SLC35F4: variants seen among roughly 807,000 people sequenced by gnomAD.
SLC35F4 encodes solute carrier family 35 member F4, also known as chromosome 14 open reading frame 36.
Under a neutral mutation model 44.2 loss-of-function variants are expected in SLC35F4, and 24 were observed. That is an observed-to-expected ratio of 0.54 (90% CI 0.39 to 0.76). The LOEUF (loss-of-function observed/expected upper bound fraction) is 0.76, where lower values mean the gene tolerates loss of function less well. SLC35F4 is among the 30% of genes least tolerant of loss of function. SLC35F4 has a pLI of 0.00. For missense variants in SLC35F4, 562 were observed against 586.1 expected (o/e 0.96, Z 0.42); for synonymous variants, 238 against 223.6 (o/e 1.06, Z -0.57).
At chr14:57,833,382 C>T (rs1229510436) in intron 1 of SLC35F4, among the ~76,000 whole-genome samples, 1 of 152,192 alleles carries the variant, frequency 6.6e-6, no homozygotes, top group Non-Finnish European at 1.5e-5. Context: ...CTTTGCACCC[C>T]CAGAGGATCT....
chr14:57,732,784 A>G (rs2076375379), intron 1 of SLC35F4, among the ~76,000 whole-genome samples: 1 of 152,198 alleles, frequency 6.6e-6, no homozygotes, highest in African/African-American at 2.4e-5. Flanking sequence ...GTCATCCAGA[A>G]TATCATACAT....
chr14:57,923,476 T>C (rs1889482876), intron 1 of SLC35F4, among the ~76,000 whole-genome samples: 1 of 152,218 alleles, frequency 6.6e-6, no homozygotes, highest in African/African-American at 2.4e-5. Context: ...GGAATATCCC[T>C]AGCTCCTGGA....
intron 1 of SLC35F4, among the ~76,000 whole-genome samples, chr14:57,897,941 G>A (rs1017701081): frequency 1.3e-5 from 2 of 152,128 alleles, no homozygotes; most frequent in African/African-American, 4.8e-5. Context: ...TATTGACTCT[G>A]GATGCAAACA....
intron 3 of SLC35F4, among the ~76,000 whole-genome samples, chr14:57,585,013 TATAAA>T (rs1248959781): frequency 3.3e-5 from 5 of 152,186 alleles, no homozygotes; most frequent in African/African-American, 1.2e-4. Flanking sequence ...GGGAATCAAA[TATAAA>T]ATATCTTTAG....
At chr14:57,926,980 AAAG>A (rs60690609) in intron 1 of SLC35F4, among the ~76,000 whole-genome samples, 14,509 of 152,198 alleles carry the variant, frequency 0.095, 767 homozygotes, top group Middle Eastern at 0.15. Context: ...TAGAAAATAA[AAAG>A]AAGCACAGCC....
At chr14:57,938,280 A>G (rs1440222280) in intron 1 of SLC35F4, among the ~76,000 whole-genome samples, 2 of 152,148 alleles carry the variant, frequency 1.3e-5, no homozygotes, top group Admixed American at 1.3e-4. Flanking sequence ...AGACAGAGGA[A>G]AAAACAAAGG....
intron 1 of SLC35F4, among the ~76,000 whole-genome samples, chr14:57,595,377 TG>T (rs943872658): frequency 1.3e-5 from 2 of 152,206 alleles, no homozygotes; most frequent in Admixed American, 6.5e-5. Context: ...TGATGTTAAC[TG>T]TGATCACCCA....
At chr14:57,685,115 A>C (rs1358192945) in intron 1 of SLC35F4, among the ~76,000 whole-genome samples, 1 of 152,222 alleles carries the variant, frequency 6.6e-6, no homozygotes, top group African/African-American at 2.4e-5. Flanking sequence ...ATGCCAGAAG[A>C]AGCAGATATT....
At chr14:57,904,000 GA>G (rs1159451726) in intron 1 of SLC35F4, among the ~76,000 whole-genome samples, 1 of 152,090 alleles carries the variant, frequency 6.6e-6, no homozygotes, top group Non-Finnish European at 1.5e-5. Context: ...GCAAAGAAAA[GA>G]AAAAAAGTGC....
chr14:57,865,660 C>T lies in SLC35F4; in HGVS notation c.103+63G>A, dbSNP rs1595253399. ...GCGCGCCCGCCCGTCCGCATCCCCG[C>T]GGCACCCCTGCGCGCCCACCTCCCT... On this transcript the variant is annotated intron_variant, in intron 1 of 7. Transcript: ENST00000556826. 5.8e-6 allele frequency: 8 copies of T among 1,387,940 alleles called. No individual in the cohort carries two copies. The East Asian group carries it at 8.2e-5, about 14-fold the overall frequency. 86.0% of individuals were successfully genotyped at this position (1,387,940 alleles called of 1,614,324 possible).
At chr14:57,929,694 GA>G (rs1889655183) in intron 1 of SLC35F4, among the ~76,000 whole-genome samples, 1 of 152,124 alleles carries the variant, frequency 6.6e-6, no homozygotes, top group Admixed American at 6.5e-5. Flanking sequence ...CTGAATTATT[GA>G]AGACAGGAAA....
intron 1 of SLC35F4, among the ~76,000 whole-genome samples, chr14:57,804,478 C>A (rs1237557431): frequency 6.6e-6 from 1 of 152,130 alleles, no homozygotes; most frequent in Non-Finnish European, 1.5e-5. Flanking sequence ...ACACCTACAA[C>A]CATCTGATCT....
chr14:57,670,853 G>T (rs1198545276), intron 1 of SLC35F4, among the ~76,000 whole-genome samples: 2 of 150,494 alleles, frequency 1.3e-5, no homozygotes, highest in African/African-American at 4.9e-5. Flanking sequence ...AGACTAGGAT[G>T]CCACAGAAGC....
At chr14:57,714,482 C>A (rs2075889847) in intron 1 of SLC35F4, among the ~76,000 whole-genome samples, 1 of 152,110 alleles carries the variant, frequency 6.6e-6, no homozygotes, top group South Asian at 2.1e-4. Context: ...GTTGACTTTT[C>A]CTACAAGTGA....
At chr14:57,629,287 C>T (rs745518633) in intron 1 of SLC35F4, among the ~76,000 whole-genome samples, 2 of 152,070 alleles carry the variant, frequency 1.3e-5, no homozygotes, top group African/African-American at 2.4e-5. Flanking sequence ...CAATGTTTGA[C>T]CTCCACTAAA....
intron 1 of SLC35F4, among the ~76,000 whole-genome samples, chr14:57,626,320 T>C (rs548131169): frequency 6.8e-6 from 1 of 147,330 alleles, no homozygotes; most frequent in Non-Finnish European, 1.5e-5. Flanking sequence ...TAAAGTATAT[T>C]TTAAAAAGGA....
chr14:57,825,832 G>A (rs1883683726), intron 1 of SLC35F4, among the ~76,000 whole-genome samples: 2 of 152,040 alleles, frequency 1.3e-5, no homozygotes, highest in African/African-American at 2.4e-5. Context: ...ACCTCTTCAA[G>A]GAGAACTACC....
chr14:57,631,543 A>G (rs1229409339), intron 1 of SLC35F4, among the ~76,000 whole-genome samples: 2 of 152,238 alleles, frequency 1.3e-5, no homozygotes, highest in Non-Finnish European at 2.9e-5. Flanking sequence ...GTGCATTTGT[A>G]TCAAAATTTG....
intron 1 of SLC35F4, among the ~76,000 whole-genome samples, chr14:57,838,009 C>A (rs558621797): frequency 6.6e-6 from 1 of 152,264 alleles, no homozygotes; most frequent in South Asian, 2.1e-4. Flanking sequence ...TGCTTTTACA[C>A]TGATTCAGTG....
Sources: gnomAD v4.1 joint callset for allele counts (sites outside exome capture counted in the v4.1 genomes callset) on GRCh38, gnomAD v4.1.1 for gene constraint, MANE v1.5 for transcripts, NCBI Gene and HGNC (gene_info 2026-07-23, HGNC 2026-07-21) for gene names.